Variants in FTO observed in about 807,000 individuals in gnomAD.
The protein encoded by FTO is FTO alpha-ketoglutarate dependent dioxygenase.
A neutral mutation model predicts 63.9 loss-of-function variants in FTO; 47 were observed. The ratio of observed to expected loss-of-function variants is 0.74; its 90% CI spans 0.58 to 0.94. FTO has a LOEUF of 0.94. FTO is among the 40% of genes least tolerant of loss of function. The probability of loss-of-function intolerance (pLI) is 0.00; values close to 1 mark genes in which losing one functional copy is unlikely to be tolerated. For synonymous variants in FTO, 207 were observed against 224.4 expected, an observed-to-expected ratio of 0.92 and a Z score of 0.69; for missense variants, 562 against 618.1, an observed-to-expected ratio of 0.91 and a Z score of 0.96.
Position 53,953,892 on chromosome 16 carries a change from T to C in FTO, c.1364+19783T>C, listed in dbSNP as rs145281426. On this transcript the variant is annotated intron_variant, in intron 8 of 8. Coordinates refer to ENST00000471389, the MANE Select transcript of FTO (RefSeq NM_001080432.3). The stretch of plus-strand genomic sequence containing the variant: ...TCCACAGTGCATTTTTGTGAAACAA[T>C]GTGTGGTGATGCCAGCTATGGCTGA... Among the ~76,000 whole-genome samples the C allele has an allele frequency of 7.9e-5, 12 of 152,332 alleles. No individual in the cohort carries two copies. The East Asian group carries it at 2.3e-3, about 29-fold the overall frequency.
At chr16:53,821,149 T>G (rs1278125128) in intron 2 of FTO, among the ~76,000 whole-genome samples, 2 of 151,932 alleles carry the variant, frequency 1.3e-5, no homozygotes, top group Non-Finnish European at 1.5e-5. Flanking sequence ...TAATGGGGGG[T>G]GGGCAGGCGT....
At chr16:53,740,180 A>T (rs184143664) in intron 1 of FTO, among the ~76,000 whole-genome samples, 2 of 152,274 alleles carry the variant, frequency 1.3e-5, no homozygotes, top group Non-Finnish European at 1.5e-5. Context: ...TCCCTGTCCT[A>T]TTGTTTTTCT....
At chr16:53,795,881 G>A (rs772605688) in intron 1 of FTO, among the ~76,000 whole-genome samples, 8 of 152,060 alleles carry the variant, frequency 5.3e-5, no homozygotes, top group Non-Finnish European at 8.8e-5. Context: ...AACCCAGTTA[G>A]TCTTTGATTC....
intron 5 of FTO, among the ~76,000 whole-genome samples, chr16:53,876,247 A>C (rs1366104319): frequency 6.6e-6 from 1 of 152,164 alleles, no homozygotes; most frequent in African/African-American, 2.4e-5. Flanking sequence ...TATAAGTAAA[A>C]ATGTATGTAA....
chr16:53,923,297 A>G (rs1364214291), intron 7 of FTO, among the ~76,000 whole-genome samples: 1 of 152,236 alleles, frequency 6.6e-6, no homozygotes, highest in African/African-American at 2.4e-5. Flanking sequence ...AAAAGCCAAC[A>G]GCATAACTTC....
chr16:53,734,493 G>A (rs2076344259), intron 1 of FTO, among the ~76,000 whole-genome samples: 1 of 152,224 alleles, frequency 6.6e-6, no homozygotes. Flanking sequence ...TACATCTGTG[G>A]TTGGGTGGCC....
At chr16:53,898,256 C>T (rs2081319310) in intron 7 of FTO, among the ~76,000 whole-genome samples, 1 of 152,154 alleles carries the variant, frequency 6.6e-6, no homozygotes, top group Non-Finnish European at 1.5e-5. Context: ...AGAACATGCC[C>T]AGCCCACTCT....
chr16:53,927,313 C>T (rs920201378), intron 7 of FTO, among the ~76,000 whole-genome samples: 3 of 152,090 alleles, frequency 2.0e-5, no homozygotes, highest in African/African-American at 7.2e-5. Flanking sequence ...TAGGGTGATT[C>T]TTAGGGTTCT....
At chr16:53,835,839 G>A (rs140524639) in intron 3 of FTO, among the ~76,000 whole-genome samples, 2,288 of 147,784 alleles carry the variant, frequency 0.015, 33 homozygotes, top group Middle Eastern at 0.033. Flanking sequence ...CTTTATGTTT[G>A]TTTTTTAGTC....
At chr16:53,844,039 T>G (rs1341588758) in intron 3 of FTO, 116 bp from the exon 4 acceptor site, 16 of 787,902 alleles carry the variant, frequency 2.0e-5, no homozygotes, top group Non-Finnish European at 3.1e-5. Flanking sequence ...GGAAGATATA[T>G]TTCATTTAAT....
At chr16:53,744,833 C>CT (rs1459227671) in intron 1 of FTO, among the ~76,000 whole-genome samples, 1 of 74,730 alleles carries the variant, frequency 1.3e-5, no homozygotes, top group Non-Finnish European at 2.7e-5. Flanking sequence ...CTTCCCCCCC[C>CT]CCATATATGA....
intron 8 of FTO, among the ~76,000 whole-genome samples, chr16:53,996,658 T>A (rs764749725): frequency 5.9e-5 from 9 of 152,044 alleles, no homozygotes; most frequent in Non-Finnish European, 1.0e-4. Context: ...GGGTAATTTA[T>A]AAAGGAAAGA....
At chr16:53,983,043 C>T (rs944417920) in intron 8 of FTO, among the ~76,000 whole-genome samples, 28 of 152,104 alleles carry the variant, frequency 1.8e-4, no homozygotes, top group African/African-American at 6.8e-4. Flanking sequence ...CCCCGAGCCT[C>T]ACATGGTAAA....
intron 8 of FTO, among the ~76,000 whole-genome samples, chr16:53,954,778 T>C (rs1045427312): frequency 6.6e-6 from 1 of 151,724 alleles, no homozygotes; most frequent in Non-Finnish European, 1.5e-5. Context: ...GGGGCATTGG[T>C]TAGGAAGGCT....
intron 7 of FTO, among the ~76,000 whole-genome samples, chr16:53,909,720 C>T (rs887995577): frequency 7.3e-5 from 11 of 151,510 alleles, no homozygotes; most frequent in South Asian, 4.2e-4. Context: ...CCCGCCACCA[C>T]GCTCGGCTAA....
At chr16:54,001,648 C>G (rs543101940) in intron 8 of FTO, among the ~76,000 whole-genome samples, 2 of 152,256 alleles carry the variant, frequency 1.3e-5, no homozygotes, top group African/African-American at 4.8e-5. Flanking sequence ...GATTTTAGAA[C>G]CGGATAACCC....
chr16:53,798,504 C>G (rs2078138005), intron 1 of FTO, among the ~76,000 whole-genome samples: 1 of 152,170 alleles, frequency 6.6e-6, no homozygotes, highest in African/African-American at 2.4e-5. Context: ...CAGTTTATCT[C>G]TGAGTACTTT....
intron 8 of FTO, among the ~76,000 whole-genome samples, chr16:54,105,621 C>A (rs1220554306): frequency 6.6e-6 from 1 of 152,166 alleles, no homozygotes. Context: ...TGACATTATT[C>A]GGGACATTTA....
intron 2 of FTO, among the ~76,000 whole-genome samples, chr16:53,816,533 T>C (rs2078695372): frequency 6.7e-6 from 1 of 149,246 alleles, no homozygotes; most frequent in East Asian, 2.0e-4. Context: ...ATTCTGGCAC[T>C]TTACTCTTCC....
Sources: gnomAD v4.1 joint callset for allele counts (sites outside exome capture counted in the v4.1 genomes callset) on GRCh38, gnomAD v4.1.1 for gene constraint, MANE v1.5 for transcripts, NCBI Gene and HGNC (gene_info 2026-07-23, HGNC 2026-07-21) for gene names.